TBL1X: variants seen among roughly 807,000 people sequenced by gnomAD.
The protein encoded by TBL1X is F-box-like/WD repeat-containing protein TBL1X.
A neutral mutation model predicts 50.7 loss-of-function variants in TBL1X; 10 were observed. That is an observed-to-expected ratio of 0.20 (90% CI 0.12 to 0.33). The LOEUF is 0.33. TBL1X is among the 10% of genes least tolerant of loss of function. The pLI is 1.00. For missense variants in TBL1X, 340 were observed against 504.4 expected, an observed-to-expected ratio of 0.67 and a Z score of 3.12; for synonymous variants, 190 against 214.7, an observed-to-expected ratio of 0.88 and a Z score of 1.01.
At chrX:9,474,263 G>T (rs369147128) in intron 1 of TBL1X, among the ~76,000 whole-genome samples, 44 of 112,733 alleles carry the variant, frequency 3.9e-4, no homozygotes, top group African/African-American at 1.4e-3. Flanking sequence ...AAACTTTTTT[G>T]CTGAAAAGGA....
chrX:9,523,925 A>G (rs28451374), intron 2 of TBL1X, among the ~76,000 whole-genome samples: 3,958 of 108,397 alleles, frequency 0.037, 184 homozygotes, highest in African/African-American at 0.13. Flanking sequence ...TTTTATTGGT[A>G]AAATACATGT....
At chrX:9,554,747 T>C (rs1359629913) in intron 2 of TBL1X, among the ~76,000 whole-genome samples, 1 of 112,219 alleles carries the variant, frequency 8.9e-6, no homozygotes, top group Non-Finnish European at 1.9e-5. Context: ...ACAGCTTTAC[T>C]GAGATATAAT....
intron 7 of TBL1X, among the ~76,000 whole-genome samples, chrX:9,688,559 A>G (rs2083076312): frequency 8.9e-6 from 1 of 112,662 alleles, no homozygotes; most frequent in South Asian, 3.7e-4. Flanking sequence ...CGTGATAAAC[A>G]AAAGTGTTTC....
At chrX:9,695,003 T>C (rs1173317679) in intron 11 of TBL1X, among the ~76,000 whole-genome samples, 1 of 108,580 alleles carries the variant, frequency 9.2e-6, no homozygotes, top group East Asian at 2.9e-4. Context: ...AATAAAATGA[T>C]AGACTTGACC....
At chrX:9,657,036 AGAT>A (rs1336115161) in intron 5 of TBL1X, among the ~76,000 whole-genome samples, 3 of 112,317 alleles carry the variant, frequency 2.7e-5, no homozygotes, top group Non-Finnish European at 5.6e-5. Context: ...GCATCTCAGA[AGAT>A]GATTCATTCC....
intron 2 of TBL1X, among the ~76,000 whole-genome samples, chrX:9,550,035 G>A (rs1026565575): frequency 8.9e-6 from 1 of 111,786 alleles, no homozygotes; most frequent in Non-Finnish European, 1.9e-5. Flanking sequence ...AGGGCACAAT[G>A]CGCAGAGGGT....
At chrX:9,463,321 C>T (rs1206908297), upstream of TBL1X, 1 of 111,272 alleles carries the variant, frequency 9.0e-6, no homozygotes, top group Admixed American at 9.6e-5. Flanking sequence ...CAGCATCAGT[C>T]TGCACAAGCC....
intron 17 of TBL1X, among the ~76,000 whole-genome samples, chrX:9,715,526 C>T (rs56106140): frequency 0.18 from 19,993 of 111,182 alleles, 1,367 homozygotes; most frequent in Non-Finnish European, 0.21. Context: ...AGCATTTGTG[C>T]GTCCGGATCT....
At chrX:9,650,458 G>A (rs2082827484) in intron 3 of TBL1X, among the ~76,000 whole-genome samples, 1 of 112,225 alleles carries the variant, frequency 8.9e-6, no homozygotes, top group South Asian at 3.7e-4. Context: ...TCCTCTCTGT[G>A]CCTCAGTTTC....
rs60398258 is a variant in TBL1X at position 9,719,636 on chromosome X, GA to G, written c.*3403del. Reference sequence around the variant, plus strand: ...TGTACTCACCCTCACGCTCTTTGAAGAAAAAAAAAAAAATCACCTTGTGTGT... The same window carrying G: ...TGTACTCACCCTCACGCTCTTTGAAGAAAAAAAAAAAATCACCTTGTGTGT... On this transcript the variant is annotated 3_prime_UTR_variant, in exon 18 of 18. Transcript: ENST00000645353. The G allele has an allele frequency of 0.28, 27,904 of 101,346 alleles. 3,046 individuals are homozygous for G. The highest frequency in any genetic ancestry group is 0.67 in the East Asian group (2,177 of 3,251). The allele number at this position is 101,346 out of a possible 1,213,427, so 8.4% of individuals were successfully genotyped here.
At chrX:9,682,920 GCCTT>G (rs1351403417) in intron 5 of TBL1X, among the ~76,000 whole-genome samples, 2 of 111,936 alleles carry the variant, frequency 1.8e-5, no homozygotes, top group African/African-American at 6.5e-5. Context: ...CCATGGGAAT[GCCTT>G]GGTGTCCACC....
At chrX:9,488,842 T>C (rs2081927049) in intron 1 of TBL1X, among the ~76,000 whole-genome samples, 1 of 110,858 alleles carries the variant, frequency 9.0e-6, no homozygotes, top group African/African-American at 3.3e-5. Context: ...ACTGAGTCGA[T>C]TGATTGGTTG....
chrX:9,609,909 A>G (rs2082605149), intron 2 of TBL1X, among the ~76,000 whole-genome samples: 1 of 112,578 alleles, frequency 8.9e-6, no homozygotes, highest in Non-Finnish European at 1.9e-5. Flanking sequence ...GAAAGGTGTT[A>G]TCTCAGGTTC....
chrX:9,642,840 A>C (rs2082783089), intron 3 of TBL1X, among the ~76,000 whole-genome samples: 1 of 112,422 alleles, frequency 8.9e-6, no homozygotes, highest in African/African-American at 3.2e-5. Context: ...AGTGCCAAGA[A>C]AACCCTATTT....
intron 2 of TBL1X, among the ~76,000 whole-genome samples, chrX:9,549,256 C>T (rs2082259684): frequency 8.9e-6 from 1 of 112,564 alleles, no homozygotes; most frequent in Non-Finnish European, 1.9e-5. Flanking sequence ...GTCCACTGTG[C>T]TCCTCAGCGG....
At chrX:9,693,463 T>A in intron 11 of TBL1X, 44 bp downstream of exon 11, 1 of 1,094,919 alleles carries the variant, frequency 9.1e-7, no homozygotes, top group Non-Finnish European at 1.2e-6. Context: ...TATAGGTGGT[T>A]ATATATTTTT....
intron 2 of TBL1X, among the ~76,000 whole-genome samples, chrX:9,559,647 A>G (rs1321513839): frequency 8.9e-6 from 1 of 111,971 alleles, no homozygotes; most frequent in Non-Finnish European, 1.9e-5. Context: ...AAAAAAAATT[A>G]GTGGGCTTAA....
At chrX:9,517,707 A>G (rs746225573) in intron 2 of TBL1X, among the ~76,000 whole-genome samples, 40 of 112,339 alleles carry the variant, frequency 3.6e-4, no homozygotes, top group Non-Finnish European at 6.2e-4. Flanking sequence ...TTGAAAATTC[A>G]TAGCACTACT....
intron 5 of TBL1X, among the ~76,000 whole-genome samples, chrX:9,681,582 C>G (rs895396869): frequency 3.6e-5 from 4 of 112,425 alleles, no homozygotes; most frequent in East Asian, 5.6e-4. Flanking sequence ...AGTTCTGTGG[C>G]CCAGTGCTGC....
Sources: gnomAD v4.1 joint callset for allele counts (sites outside exome capture counted in the v4.1 genomes callset) on GRCh38, gnomAD v4.1.1 for gene constraint, MANE v1.5 for transcripts, NCBI Gene and HGNC (gene_info 2026-07-23, HGNC 2026-07-21) for gene names.